Variants in ASAP2 observed in about 807,000 individuals in gnomAD.
The protein encoded by ASAP2 is ArfGAP with SH3 domain, ankyrin repeat and PH domain 2.
A neutral mutation model predicts 131.4 loss-of-function variants in ASAP2; 45 were observed. The ratio of observed to expected loss-of-function variants is 0.34; its 90% CI spans 0.27 to 0.44. ASAP2 has a LOEUF of 0.44. Ranked by LOEUF, ASAP2 falls within the 20% of genes least tolerant of loss-of-function variation. The probability of loss-of-function intolerance (pLI) is 1.00; values close to 1 mark genes in which losing one functional copy is unlikely to be tolerated. For synonymous variants in ASAP2, 510 were observed against 503.0 expected, an observed-to-expected ratio of 1.01 and a Z score of -0.19; for missense variants, 1,011 against 1,297.0, an observed-to-expected ratio of 0.78 and a Z score of 3.39.
At chr2:9,285,181 A>C (rs961349556) in intron 2 of ASAP2, among the ~76,000 whole-genome samples, 3 of 152,162 alleles carry the variant, frequency 2.0e-5, no homozygotes, top group Non-Finnish European at 4.4e-5. Flanking sequence ...CCTGCATTAG[A>C]GCAGTGGTTA....
At chr2:9,287,722 G>A (rs558104153) in intron 2 of ASAP2, among the ~76,000 whole-genome samples, 1 of 152,270 alleles carries the variant, frequency 6.6e-6, no homozygotes. Flanking sequence ...GAGGACGTGG[G>A]CTCGAAGGCC....
intron 5 of ASAP2, among the ~76,000 whole-genome samples, chr2:9,320,682 C>T (rs922699919): frequency 6.6e-6 from 1 of 152,166 alleles, no homozygotes; most frequent in Admixed American, 6.5e-5. Flanking sequence ...TTTTTGATAG[C>T]AGGGCAGTTT....
intron 11 of ASAP2, among the ~76,000 whole-genome samples, chr2:9,347,276 C>T (rs1672031190): frequency 6.6e-6 from 1 of 152,248 alleles, no homozygotes. Flanking sequence ...CTCTGTATGA[C>T]TGCGTCTACA....
intron 2 of ASAP2, among the ~76,000 whole-genome samples, chr2:9,282,007 C>G (rs1667158362): frequency 6.6e-6 from 1 of 152,194 alleles, no homozygotes; most frequent in Non-Finnish European, 1.5e-5. Context: ...CTTCCCTCTG[C>G]TCATGCTCTG....
rs540486673 is a variant in ASAP2, at chr2:9,317,677, A to C, written c.346-847A>C. On this transcript the variant is annotated intron_variant, in intron 3 of 27. Coordinates refer to ENST00000281419, the MANE Select transcript of ASAP2 (RefSeq NM_003887.3). ...ACTTACACAATCACTCACATCCATAATCACATCCTGAAACCCTCACACGCC... is the reference window on the plus strand; with the variant it reads ...ACTTACACAATCACTCACATCCATACTCACATCCTGAAACCCTCACACGCC... 2.7e-3 allele frequency among the ~76,000 whole-genome samples: 399 copies of C among 145,482 alleles called. 2 individuals are homozygous for C. The highest frequency in any genetic ancestry group is 9.8e-3 in the African/African-American group (384 of 39,254).
chr2:9,325,476 G>A (rs978065696), intron 6 of ASAP2, among the ~76,000 whole-genome samples: 2 of 152,202 alleles, frequency 1.3e-5, no homozygotes, highest in African/African-American at 4.8e-5. Context: ...TTGGAAAGGG[G>A]TGTTTGTGTT....
At chr2:9,390,941 G>A in intron 22 of ASAP2, 121 bp from the exon 23 acceptor site, 1 of 1,456,382 alleles carries the variant, frequency 6.9e-7, no homozygotes, top group Admixed American at 1.8e-5. Context: ...TAGGTAGAAG[G>A]GTCATACTGA....
intron 27 of ASAP2, among the ~76,000 whole-genome samples, chr2:9,402,298 C>T (rs192120831): frequency 2.1e-3 from 318 of 152,356 alleles, no homozygotes; most frequent in Non-Finnish European, 3.9e-3. Flanking sequence ...CTGGGTTCAC[C>T]GGTCTTTCCT....
chr2:9,231,610 T>A (rs1303037356), intron 1 of ASAP2, among the ~76,000 whole-genome samples: 1 of 152,160 alleles, frequency 6.6e-6, no homozygotes, highest in Non-Finnish European at 1.5e-5. Flanking sequence ...CTGTTCTTCC[T>A]CCTGTCAGAG....
At chr2:9,385,180 C>A (rs1675173343) in intron 20 of ASAP2, 65 bp from the exon 21 acceptor site, 3 of 1,277,412 alleles carry the variant, frequency 2.3e-6, no homozygotes, top group Admixed American at 3.5e-5. Context: ...CTGCACACTT[C>A]AGTGGGTCCA....
intron 1 of ASAP2, among the ~76,000 whole-genome samples, chr2:9,275,391 C>T (rs1014587445): frequency 6.6e-6 from 1 of 152,160 alleles, no homozygotes; most frequent in African/African-American, 2.4e-5. Context: ...GTGTTCTTAG[C>T]ACGGTTGACC....
intron 1 of ASAP2, among the ~76,000 whole-genome samples, chr2:9,210,353 G>A (rs1661444398): frequency 6.6e-6 from 1 of 152,158 alleles, no homozygotes; most frequent in African/African-American, 2.4e-5. Flanking sequence ...AACTTCAGAG[G>A]ATTGTGGTGA....
chr2:9,313,608 C>G (rs1175076202), intron 3 of ASAP2, among the ~76,000 whole-genome samples: 2 of 152,246 alleles, frequency 1.3e-5, no homozygotes, highest in Non-Finnish European at 2.9e-5. Context: ...AGGCTGCCTT[C>G]TTTCTTGCAC....
chr2:9,231,585 C>T (rs891596102), intron 1 of ASAP2, among the ~76,000 whole-genome samples: 3 of 152,184 alleles, frequency 2.0e-5, no homozygotes, highest in African/African-American at 4.8e-5. Flanking sequence ...CGCCACACCC[C>T]TAGCCTGCGC....
chr2:9,333,302 G>C (rs1460989543), intron 7 of ASAP2, among the ~76,000 whole-genome samples: 3 of 152,166 alleles, frequency 2.0e-5, no homozygotes, highest in Admixed American at 2.0e-4. Flanking sequence ...CGGGTACTTT[G>C]TGTCTCCTAG....
intron 1 of ASAP2, among the ~76,000 whole-genome samples, chr2:9,210,539 C>G (rs1661454922): frequency 6.6e-6 from 1 of 151,900 alleles, no homozygotes; most frequent in South Asian, 2.1e-4. Flanking sequence ...TGAAACACTA[C>G]CGTGTATCTG....
chr2:9,370,536 C>T (rs1329083571), intron 16 of ASAP2, among the ~76,000 whole-genome samples: 1 of 152,184 alleles, frequency 6.6e-6, no homozygotes, highest in Admixed American at 6.5e-5. Context: ...CAGTCCTTAT[C>T]TGAGCCATGG....
intron 27 of ASAP2, among the ~76,000 whole-genome samples, chr2:9,402,722 G>C (rs915526521): frequency 1.3e-5 from 2 of 152,240 alleles, no homozygotes; most frequent in African/African-American, 4.8e-5. Context: ...GCTGTTTTTA[G>C]CCTTTTATTT....
chr2:9,315,375 C>T (rs1669587907), intron 3 of ASAP2, among the ~76,000 whole-genome samples: 1 of 152,090 alleles, frequency 6.6e-6, no homozygotes, highest in African/African-American at 2.4e-5. Context: ...GTGAGAATGG[C>T]ATGGAGGGAA....
Sources: allele counts gnomAD v4.1 joint callset (sites outside exome capture counted in the v4.1 genomes callset), GRCh38; gene constraint gnomAD v4.1.1; transcripts MANE v1.5; gene names NCBI Gene and HGNC (gene_info 2026-07-23, HGNC 2026-07-21).